DNAH2: variants seen among roughly 807,000 people sequenced by gnomAD.
The protein encoded by DNAH2 is axonemal beta dynein heavy chain 2.
A neutral mutation model predicts 523.5 loss-of-function variants in DNAH2; 323 were observed. That is an observed-to-expected ratio of 0.62 (90% CI 0.56 to 0.68). The LOEUF (loss-of-function observed/expected upper bound fraction) is 0.68, where lower values mean the gene tolerates loss of function less well. Ranked by LOEUF, DNAH2 falls within the 30% of genes least tolerant of loss-of-function variation. The pLI is 0.00. For synonymous variants in DNAH2, 2,093 were observed against 2,177.4 expected (o/e 0.96, Z 1.08); for missense variants, 4,907 against 5,701.5 (o/e 0.86, Z 4.49).
At position 7,735,247 on chromosome 17, in the gene DNAH2, C is replaced by T. The variant is rs182428501; in HGVS notation, c.978+539C>T. Among the ~76,000 whole-genome samples the T allele has an allele frequency of 1.1e-3, 170 of 152,176 alleles. 4 individuals are homozygous for T. The highest frequency in any genetic ancestry group is 3.4e-3 in the Middle Eastern group (1 of 294). ...CCAGGTTCAAGGGATTCTCCTGCCTCAGCCTCCTGAGTAGCTGAGATTACA... is the reference window on the plus strand; with the variant it reads ...CCAGGTTCAAGGGATTCTCCTGCCTTAGCCTCCTGAGTAGCTGAGATTACA... On this transcript the variant is annotated intron_variant, in intron 7 of 85. Coordinates refer to ENST00000572933, the MANE Select transcript of DNAH2 (RefSeq NM_020877.5).
At chr17:7,818,252 G>C in intron 68 of DNAH2, 60 bp from the exon 69 acceptor site, 1 of 1,604,608 alleles carries the variant, frequency 6.2e-7, no homozygotes, top group Non-Finnish European at 8.5e-7. Flanking sequence ...GCCGGTGGGG[G>C]ATGGGTTAGC....
intron 4 of DNAH2, 100 bp from the exon 5 acceptor site, chr17:7,732,987 A>T: frequency 1.7e-6 from 2 of 1,155,848 alleles, no homozygotes; most frequent in Non-Finnish European, 2.5e-6. Context: ...AAGGATCAGG[A>T]TACCCTGAGG....
chr17:7,770,459 C>G (rs1468758469), intron 25 of DNAH2, 51 bp downstream of exon 25: 2 of 1,611,572 alleles, frequency 1.2e-6, no homozygotes, highest in African/African-American at 2.7e-5. Flanking sequence ...TCCTGGAGCA[C>G]AGGCTCCAGC....
intron 63 of DNAH2, among the ~76,000 whole-genome samples, chr17:7,810,053 T>A (rs1156822405): frequency 6.7e-6 from 1 of 149,028 alleles, no homozygotes; most frequent in African/African-American, 2.4e-5. Context: ...TTCTTTCTTT[T>A]CTTTCTTTTT....
intron 33 of DNAH2, 80 bp from the exon 34 acceptor site, chr17:7,777,997 A>C (rs993648380): frequency 7.6e-7 from 1 of 1,313,452 alleles, no homozygotes. Flanking sequence ...GACAACTCTG[A>C]GCCCCACTCT....
chr17:7,827,709 C>CT (rs1240581280), intron 77 of DNAH2, among the ~76,000 whole-genome samples: 1 of 151,632 alleles, frequency 6.6e-6, no homozygotes, highest in South Asian at 2.1e-4. Context: ...GCCTTCCAAA[C>CT]TGTTGGGATT....
intron 12 of DNAH2, among the ~76,000 whole-genome samples, chr17:7,752,096 G>A (rs1369472223): frequency 6.9e-6 from 1 of 145,948 alleles, no homozygotes; most frequent in Non-Finnish European, 1.5e-5. Flanking sequence ...GAACCACCGG[G>A]CCTGGCCAAC....
At position 7,768,512 on chromosome 17, in the gene DNAH2, G is replaced by T. The variant is rs576172893; in HGVS notation, c.3941+245G>T. On this transcript the variant is annotated intron_variant, in intron 24 of 85. Transcript: ENST00000572933. Reference sequence around the variant, plus strand: ...ACACATTGTAGAATGGCTAAATTGAGCTAATTATCATATGCATTACCTCAC... The same window carrying T: ...ACACATTGTAGAATGGCTAAATTGATCTAATTATCATATGCATTACCTCAC... Among the ~76,000 whole-genome samples, 11 of 152,320 alleles carry T rather than the reference G, an allele frequency of 7.2e-5. No individual in the cohort carries two copies. In the East Asian group the frequency reaches 1.9e-3, roughly 27 times the overall value.
chr17:7,740,353 TCCTC>T (rs1262160965), intron 9 of DNAH2, 63 bp from the exon 10 acceptor site: 2 of 1,597,134 alleles, frequency 1.3e-6, no homozygotes, highest in Admixed American at 1.7e-5. Flanking sequence ...ATGGGATTCT[TCCTC>T]AGGGGTTGGA....
At chr17:7,762,797 C>T (rs948978407) in intron 18 of DNAH2, among the ~76,000 whole-genome samples, 4 of 151,836 alleles carry the variant, frequency 2.6e-5, no homozygotes, top group South Asian at 2.1e-4. Flanking sequence ...CACAAAGGGG[C>T]GCTGTAGCAG....
At chr17:7,808,134 G>A (rs2077417141) in intron 63 of DNAH2, among the ~76,000 whole-genome samples, 1 of 152,128 alleles carries the variant, frequency 6.6e-6, no homozygotes, top group South Asian at 2.1e-4. Flanking sequence ...ACTTTGGGAG[G>A]CCGAGGTAGG....
chr17:7,739,025 T>C lies in DNAH2; in HGVS notation c.1171-708T>C, dbSNP rs924108230. ...AAGGACCTTATTGAGGTGGGAAGAC[T>C]GAAGAACCAAAAGCTAACAGCAGAC... On this transcript the variant is annotated intron_variant, in intron 8 of 85. Transcript: ENST00000572933. 7 of 702,308 alleles carry C rather than the reference T, an allele frequency of 1.0e-5. No homozygotes were observed. In the African/African-American group the frequency reaches 1.0e-4, roughly 11 times the overall value. The allele number at this position is 702,308 out of a possible 1,614,324, so 43.5% of individuals were successfully genotyped here. A position where few individuals can be genotyped will look rare whatever the true frequency, so the allele number is the denominator to read the frequency against.
rs201664526 is a variant in DNAH2, at chr17:7,759,532, G to A, written c.2559G>A (p.Gly853=). 21 of 1,614,186 alleles carry A rather than the reference G, an allele frequency of 1.3e-5. No individual in the cohort carries two copies. In the East Asian group the frequency reaches 4.5e-4, roughly 34 times the overall value. The change falls in exon 16 of 86, where the codon GGG becomes GGA. Residue 853 remains glycine, a synonymous_variant. Transcript: ENST00000572933. ...SLLELSKAIN[G]DGKTSPNPLF... is the part of the protein sequence containing the mutation. The stretch of plus-strand genomic sequence containing the variant: ...TAGAACTATCCAAGGCTATCAACGG[G>A]GATGGAAAGACCAGCCCAAACCCAC...
At chr17:7,761,018 G>A in intron 18 of DNAH2, 86 bp downstream of exon 18, 1 of 1,521,054 alleles carries the variant, frequency 6.6e-7, no homozygotes, top group Non-Finnish European at 8.9e-7. Flanking sequence ...TGGGAAGTGG[G>A]TAGGGGAGCT....
At chr17:7,720,036 A>T (rs1302089270) in intron 2 of DNAH2, 136 bp downstream of exon 2, 1 of 1,090,378 alleles carries the variant, frequency 9.2e-7, no homozygotes, top group Non-Finnish European at 1.2e-6. Context: ...GCCCCCAGCC[A>T]TGGAGGTTCA....
rs1167114124 is a variant in DNAH2, at chr17:7,776,862, A to T, written c.5031A>T (p.Lys1677Asn). Residue 1677 changes from lysine (K) to asparagine (N), a missense_variant, in exon 32 of 86, where the codon AAA (lysine) becomes AAT (asparagine). Physicochemically the swap from Lys to Asn is moderately conservative, Grantham distance 94. Coordinates refer to ENST00000572933, the MANE Select transcript of DNAH2 (RefSeq NM_020877.5). ...LLTAKERADK[K>N]ILKVMKKNQV... The stretch of plus-strand genomic sequence containing the variant: ...CAGCGAAGGAGCGGGCAGACAAGAA[A>T]ATCCTCAAGGTCATGAAGAAGAACC... 1.9e-6 allele frequency: 3 copies of T among 1,611,850 alleles called. No individual in the cohort carries two copies. The highest frequency in any genetic ancestry group is 1.7e-6 in the Non-Finnish European group (2 of 1,178,610).
chr17:7,754,611 G>A lies in DNAH2; in HGVS notation c.1905-2480G>A, dbSNP rs1042986324. Reference sequence around the variant, plus strand: ...ACGTGCCGAGGCTCTCAAGGCCCTCGTAAAGCCCAAGGAGGTTAAGCCCAA... The same window carrying A: ...ACGTGCCGAGGCTCTCAAGGCCCTCATAAAGCCCAAGGAGGTTAAGCCCAA... On this transcript the variant is annotated intron_variant, in intron 12 of 85. Transcript: ENST00000572933. The surrounding 1 kb of genome is among the most constrained non-coding windows in gnomAD (Gnocchi z 4.6). 39 of 1,508,156 alleles carry A rather than the reference G, an allele frequency of 2.6e-5. No individual in the cohort carries two copies. Among genetic ancestry groups the A allele is most frequent in the Non-Finnish European group, 3.2e-5 (35 of 1,100,116 alleles). 93.4% of individuals were successfully genotyped at this position (1,508,156 alleles called of 1,614,324 possible).
intron 12 of DNAH2, among the ~76,000 whole-genome samples, chr17:7,753,634 G>T (rs1567642269): frequency 6.6e-6 from 1 of 152,028 alleles, no homozygotes; most frequent in South Asian, 2.1e-4. Flanking sequence ...AAGAAAGTGG[G>T]GTGTAGTCTA....
rs979307518 is a variant in DNAH2, at chr17:7,809,311, C to T, written c.9729+1725C>T. 2.6e-5 allele frequency among the ~76,000 whole-genome samples: 4 copies of T among 152,122 alleles called. No homozygotes were observed. The East Asian group carries it at 5.8e-4, about 22-fold the overall frequency. On this transcript the variant is annotated intron_variant, in intron 63 of 85. Transcript: ENST00000572933. ...CTAGATCCTGTGTTTCCTGACTTCA[C>T]GCCTCTCTGCCCACAGCTCATCCCC...
Sources: allele counts gnomAD v4.1 joint callset (sites outside exome capture counted in the v4.1 genomes callset), GRCh38; gene constraint gnomAD v4.1.1; non-coding constraint Gnocchi (gnomAD v3.1); transcripts MANE v1.5; gene names NCBI Gene and HGNC (gene_info 2026-07-23, HGNC 2026-07-21).